RBMS3: variants seen among roughly 807,000 people sequenced by gnomAD.
The protein encoded by RBMS3 is RNA binding motif single stranded interacting protein 3.
In RBMS3, 27 loss-of-function variants were observed where a neutral mutation model predicts 66.8. The ratio of observed to expected loss-of-function variants is 0.40; its 90% CI spans 0.30 to 0.56. RBMS3 has a LOEUF of 0.56. Ranked by LOEUF, RBMS3 falls within the 20% of genes least tolerant of loss-of-function variation. The pLI is 0.40. For missense variants in RBMS3, 513 were observed against 549.5 expected (o/e 0.93, Z 0.66); for synonymous variants, 188 against 183.0 (o/e 1.03, Z -0.22).
chr3:29,747,455 A>G (rs2054972476), intron 5 of RBMS3, among the ~76,000 whole-genome samples: 1 of 151,210 alleles, frequency 6.6e-6, no homozygotes, highest in Admixed American at 6.6e-5. Flanking sequence ...GATAGATGTC[A>G]GGTCACTATT....
At chr3:29,669,946 G>A (rs1474199794) in intron 4 of RBMS3, among the ~76,000 whole-genome samples, 6 of 152,170 alleles carry the variant, frequency 3.9e-5, no homozygotes, top group South Asian at 2.1e-4. Context: ...GCCAAACTTC[G>A]CATTTTCAAA....
chr3:29,441,827 A>C (rs1272862832), intron 2 of RBMS3, among the ~76,000 whole-genome samples: 1 of 152,194 alleles, frequency 6.6e-6, no homozygotes, highest in Non-Finnish European at 1.5e-5. Context: ...ACAAATCGGA[A>C]AACATAATTT....
At chr3:29,933,831 G>A (rs1182740758) in intron 10 of RBMS3, 2 of 152,042 alleles carry the variant, frequency 1.3e-5, no homozygotes, top group African/African-American at 2.4e-5. Flanking sequence ...ATACACAGAA[G>A]CAACACTCAC....
chr3:29,862,737 A>G (rs574804846), intron 6 of RBMS3, among the ~76,000 whole-genome samples: 1 of 151,928 alleles, frequency 6.6e-6, no homozygotes, highest in Non-Finnish European at 1.5e-5. Flanking sequence ...CCAGATACTC[A>G]GGAGGATGAG....
chr3:29,491,847 G>T (rs1445914189), intron 3 of RBMS3, among the ~76,000 whole-genome samples: 2 of 152,146 alleles, frequency 1.3e-5, no homozygotes, highest in African/African-American at 4.8e-5. Flanking sequence ...TAAAAAATTA[G>T]CCGGGCGTGG....
At chr3:29,304,880 G>A (rs1167862492) in intron 1 of RBMS3, among the ~76,000 whole-genome samples, 3 of 151,788 alleles carry the variant, frequency 2.0e-5, no homozygotes, top group Non-Finnish European at 2.9e-5. Flanking sequence ...TCTCAGATAT[G>A]GCTCTTCACC....
intron 11 of RBMS3, among the ~76,000 whole-genome samples, chr3:29,943,275 C>CA (rs991084875): frequency 4.0e-5 from 6 of 151,808 alleles, no homozygotes; most frequent in Non-Finnish European, 5.9e-5. Flanking sequence ...CATGTGTTGG[C>CA]AGTTGATTTG....
intron 6 of RBMS3, among the ~76,000 whole-genome samples, chr3:29,787,234 G>A (rs2056850403): frequency 6.6e-6 from 1 of 152,080 alleles, no homozygotes; most frequent in Admixed American, 6.6e-5. Flanking sequence ...ATTGTAGGTG[G>A]GAATGTAAAC....
chr3:29,958,774 C>T (rs962536721), intron 12 of RBMS3, among the ~76,000 whole-genome samples: 3 of 152,152 alleles, frequency 2.0e-5, no homozygotes, highest in African/African-American at 7.2e-5. Flanking sequence ...TTAGCAGTCT[C>T]ACCAAGAGTG....
intron 2 of RBMS3, among the ~76,000 whole-genome samples, chr3:29,454,379 T>G (rs1345630859): frequency 1.3e-5 from 2 of 152,210 alleles, no homozygotes; most frequent in Non-Finnish European, 2.9e-5. Flanking sequence ...TAATACTGTT[T>G]GCAGCACTGT....
At chr3:29,903,496 C>T (rs1308793864) in intron 10 of RBMS3, among the ~76,000 whole-genome samples, 1 of 151,950 alleles carries the variant, frequency 6.6e-6, no homozygotes, top group Admixed American at 6.6e-5. Flanking sequence ...TGATGGATTG[C>T]ACCAAATACC....
chr3:29,593,865 G>A (rs1008698024), intron 4 of RBMS3, among the ~76,000 whole-genome samples: 1 of 152,286 alleles, frequency 6.6e-6, no homozygotes, highest in East Asian at 1.9e-4. Flanking sequence ...GTTATACAAA[G>A]AGATATAATT....
chr3:29,476,654 G>A (rs776780889), intron 2 of RBMS3, among the ~76,000 whole-genome samples: 5 of 151,930 alleles, frequency 3.3e-5, no homozygotes, highest in African/African-American at 4.8e-5. Context: ...TGGGTACTTC[G>A]TCTTATACAT....
At chr3:29,816,301 GACACACACAGACACACAC>G (rs1223325463) in intron 6 of RBMS3, among the ~76,000 whole-genome samples, 4,869 of 135,764 alleles carry the variant, frequency 0.036, 107 homozygotes, top group Non-Finnish European at 0.047. Context: ...GACACACACA[GACACACACAGACACACAC>G]ACACACACAC....
chr3:29,676,039 T>A (rs1234008281), intron 4 of RBMS3, among the ~76,000 whole-genome samples: 6 of 152,200 alleles, frequency 3.9e-5, no homozygotes, highest in Non-Finnish European at 8.8e-5. Context: ...TGTCCATCAC[T>A]GATAGACTGG....
At chr3:29,389,121 A>G (rs2039157381) in intron 1 of RBMS3, among the ~76,000 whole-genome samples, 1 of 152,186 alleles carries the variant, frequency 6.6e-6, no homozygotes, top group African/African-American at 2.4e-5. Flanking sequence ...CCCTCTAGAC[A>G]AGCAAAAAAT....
At chr3:29,895,318 G>A (rs750907808) in intron 8 of RBMS3, among the ~76,000 whole-genome samples, 50 of 151,246 alleles carry the variant, frequency 3.3e-4, no homozygotes, top group Admixed American at 2.0e-4. Flanking sequence ...ACTCTCTTTA[G>A]TGTACAGTTC....
intron 2 of RBMS3, among the ~76,000 whole-genome samples, chr3:29,476,687 G>A (rs1181298345): frequency 1.3e-5 from 2 of 152,034 alleles, no homozygotes; most frequent in Admixed American, 1.3e-4. Flanking sequence ...GAAAAACAGA[G>A]TTATTTTGAA....
At chr3:29,355,756 C>T (rs978311160) in intron 1 of RBMS3, among the ~76,000 whole-genome samples, 2 of 151,626 alleles carry the variant, frequency 1.3e-5, no homozygotes, top group Non-Finnish European at 2.9e-5. Context: ...CTTTTTTTCC[C>T]CCACAAAGAA....
Sources: allele counts gnomAD v4.1 joint callset (sites outside exome capture counted in the v4.1 genomes callset), GRCh38; gene constraint gnomAD v4.1.1; transcripts MANE v1.5; gene names NCBI Gene and HGNC (gene_info 2026-07-23, HGNC 2026-07-21).